GALNT17: variants seen among roughly 807,000 people sequenced by gnomAD.
GALNT17 encodes UDP-GalNAc:polypeptide N-acetylgalactosaminyltransferase-like 3.
GALNT17 carries 29 observed loss-of-function variants against 63.7 expected under a neutral mutation model. That is an observed-to-expected ratio of 0.46 (90% CI 0.34 to 0.62). GALNT17 has a LOEUF of 0.62. GALNT17 is among the 20% of genes least tolerant of loss of function. The pLI, the probability that GALNT17 is intolerant of heterozygous loss-of-function variation, is 0.01. For missense variants in GALNT17, 603 were observed against 799.6 expected, an observed-to-expected ratio of 0.75 and a Z score of 2.97; for synonymous variants, 305 against 318.3, an observed-to-expected ratio of 0.96 and a Z score of 0.45.
At chr7:71,674,772 C>T (rs1018946063) in intron 8 of GALNT17, among the ~76,000 whole-genome samples, 10 of 152,214 alleles carry the variant, frequency 6.6e-5, no homozygotes, top group African/African-American at 2.4e-4. Context: ...CAGCCTCAGC[C>T]TCCCAAAGCA....
At chr7:71,551,146 A>G (rs981161536) in intron 5 of GALNT17, among the ~76,000 whole-genome samples, 15 of 151,882 alleles carry the variant, frequency 9.9e-5, no homozygotes, top group Non-Finnish European at 2.2e-4. Context: ...TTTATTCTTC[A>G]TCTTTTTCTC....
chr7:71,156,580 TCC>T (rs1788238846), intron 1 of GALNT17, among the ~76,000 whole-genome samples: 1 of 37,336 alleles, frequency 2.7e-5, no homozygotes, highest in South Asian at 5.2e-4. Context: ...ACATGAGATG[TCC>T]TTCCTTCCTT....
At chr7:71,669,890 C>T in intron 7 of GALNT17, 82 bp from the exon 8 acceptor site, 1 of 1,550,074 alleles carries the variant, frequency 6.5e-7, no homozygotes, top group Non-Finnish European at 8.7e-7. Flanking sequence ...GTGAAGGTTT[C>T]CCTGAAAGTG....
At chr7:71,440,203 T>C (rs1015666193) in intron 5 of GALNT17, among the ~76,000 whole-genome samples, 4 of 152,058 alleles carry the variant, frequency 2.6e-5, no homozygotes, top group African/African-American at 9.7e-5. Context: ...ATATCTTTCT[T>C]CTTCTGCCCT....
intron 1 of GALNT17, among the ~76,000 whole-genome samples, chr7:71,141,002 G>A (rs969706071): frequency 6.7e-6 from 1 of 148,234 alleles, no homozygotes; most frequent in African/African-American, 2.5e-5. Context: ...TCCATCCTGG[G>A]TGACAGAGCA....
chr7:71,437,508 A>G (rs1280171605), intron 5 of GALNT17, among the ~76,000 whole-genome samples: 2 of 152,200 alleles, frequency 1.3e-5, no homozygotes, highest in African/African-American at 4.8e-5. Context: ...ACAGTTCACA[A>G]GGTGACACGG....
intron 2 of GALNT17, among the ~76,000 whole-genome samples, chr7:71,357,522 A>G (rs1792309441): frequency 6.6e-6 from 1 of 151,868 alleles, no homozygotes; most frequent in South Asian, 2.1e-4. Flanking sequence ...CCTTTTGCAT[A>G]TTTTCCCATT....
At position 71,521,230 on chromosome 7, in the gene GALNT17, C is replaced by CT. The variant is rs147913846; in HGVS notation, c.963-50042dup. Among the ~76,000 whole-genome samples, 260 of 145,240 alleles carry CT rather than the reference C, an allele frequency of 1.8e-3. 2 individuals carry two copies. Among genetic ancestry groups the CT allele is most frequent in the Admixed American group, 0.012 (167 of 14,470 alleles). On this transcript the variant is annotated intron_variant, in intron 5 of 10. Coordinates refer to ENST00000333538, the MANE Select transcript of GALNT17 (RefSeq NM_022479.3). ...ATGGATGCTCAGATAGATCCCAAAT[C>CT]TTTTTTTTTTTTTCCCCAAATCAGG...
intron 9 of GALNT17, among the ~76,000 whole-genome samples, chr7:71,680,921 A>T (rs1216268485): frequency 7.7e-6 from 1 of 129,038 alleles, no homozygotes; most frequent in Non-Finnish European, 1.6e-5. Flanking sequence ...TTTTTAAGAG[A>T]TAGGGTCTTG....
At chr7:71,617,255 A>G (rs1790224730) in intron 6 of GALNT17, among the ~76,000 whole-genome samples, 1 of 144,540 alleles carries the variant, frequency 6.9e-6, no homozygotes, top group Admixed American at 7.2e-5. Flanking sequence ...TCCATCACCC[A>G]GGTAGTAAGC....
chr7:71,679,834 G>A (rs867470756), intron 9 of GALNT17, among the ~76,000 whole-genome samples: 11 of 151,886 alleles, frequency 7.2e-5, no homozygotes, highest in Admixed American at 3.3e-4. Flanking sequence ...TCAGATCTCC[G>A]GTGGGGTCTG....
chr7:71,264,664 G>A (rs563090481), intron 1 of GALNT17, among the ~76,000 whole-genome samples: 10 of 152,206 alleles, frequency 6.6e-5, no homozygotes, highest in East Asian at 3.9e-4. Flanking sequence ...GAATGAAATC[G>A]TGTCATTTGC....
chr7:71,224,393 A>G, intron 1 of GALNT17, among the ~76,000 whole-genome samples: 1 of 152,134 alleles, frequency 6.6e-6, no homozygotes, highest in East Asian at 1.9e-4. Context: ...TTTGTTTCTT[A>G]TGATGTTTTC....
At chr7:71,367,796 C>A (rs1189393211) in intron 2 of GALNT17, among the ~76,000 whole-genome samples, 1 of 152,206 alleles carries the variant, frequency 6.6e-6, no homozygotes, top group South Asian at 2.1e-4. Flanking sequence ...TTTCTGCCAA[C>A]GATGCAGTCA....
At chr7:71,416,473 A>G (rs993019846) in intron 4 of GALNT17, among the ~76,000 whole-genome samples, 1 of 152,076 alleles carries the variant, frequency 6.6e-6, no homozygotes. Context: ...TTAACCTGGC[A>G]TGGTGGAGCA....
intron 2 of GALNT17, among the ~76,000 whole-genome samples, chr7:71,367,332 T>C (rs1792531304): frequency 6.6e-6 from 1 of 152,026 alleles, no homozygotes; most frequent in South Asian, 2.1e-4. Flanking sequence ...AACATATAGG[T>C]GGAAACCCCA....
intron 4 of GALNT17, among the ~76,000 whole-genome samples, chr7:71,417,882 A>G (rs920071434): frequency 6.6e-6 from 1 of 151,960 alleles, no homozygotes; most frequent in Admixed American, 6.6e-5. Flanking sequence ...ACCTCCAGCC[A>G]GTTTTGTCTG....
chr7:71,702,482 A>G (rs1263441012), intron 9 of GALNT17, among the ~76,000 whole-genome samples: 7 of 152,164 alleles, frequency 4.6e-5, no homozygotes, highest in African/African-American at 9.6e-5. Context: ...CTGGAAGCTC[A>G]GAAAGCCATT....
At chr7:71,620,742 C>T (rs1467332) in intron 6 of GALNT17, among the ~76,000 whole-genome samples, 104,836 of 152,090 alleles carry the variant, frequency 0.69, 38,467 homozygotes, top group East Asian at 0.96. Flanking sequence ...ATGCACCAAA[C>T]CTTTTTGACA....
Sources: allele counts gnomAD v4.1 joint callset (sites outside exome capture counted in the v4.1 genomes callset), GRCh38; gene constraint gnomAD v4.1.1; transcripts MANE v1.5; gene names NCBI Gene and HGNC (gene_info 2026-07-23, HGNC 2026-07-21).